Variants in AGBL4 observed in about 807,000 individuals in gnomAD.
AGBL4 encodes cytosolic carboxypeptidase 6.
AGBL4 carries 58 observed loss-of-function variants against 66.4 expected under a neutral mutation model. That is an observed-to-expected ratio of 0.87 (90% CI 0.71 to 1.09). The LOEUF (loss-of-function observed/expected upper bound fraction) is 1.09. AGBL4 is among the 50% of genes least tolerant of loss of function. The pLI, the probability that AGBL4 is intolerant of heterozygous loss-of-function variation, is 0.00. For synonymous variants in AGBL4, 234 were observed against 222.9 expected (o/e 1.05, Z -0.44); for missense variants, 579 against 631.0 (o/e 0.92, Z 0.88).
chr1:48,874,252 T>A (rs973816035), intron 5 of AGBL4, among the ~76,000 whole-genome samples: 7 of 152,074 alleles, frequency 4.6e-5, no homozygotes, highest in Admixed American at 4.6e-4. Flanking sequence ...CCTTCTCTGC[T>A]CAGTTCATTC....
chr1:49,758,820 G>T (rs1488178311), intron 2 of AGBL4, among the ~76,000 whole-genome samples: 1 of 151,888 alleles, frequency 6.6e-6, no homozygotes, highest in African/African-American at 2.4e-5. Flanking sequence ...TTAGGGGACT[G>T]TTGGGAAGGC....
At chr1:49,446,669 C>T (rs1378027890) in intron 3 of AGBL4, among the ~76,000 whole-genome samples, 1 of 152,096 alleles carries the variant, frequency 6.6e-6, no homozygotes, top group Admixed American at 6.5e-5. Context: ...AATTTTTGGG[C>T]CTCCCGAGTG....
chr1:48,841,404 C>T (rs958700898), intron 6 of AGBL4, among the ~76,000 whole-genome samples: 1 of 128,832 alleles, frequency 7.8e-6, no homozygotes, highest in Admixed American at 7.6e-5. Flanking sequence ...TACAAAACCC[C>T]CCCCCCCCAA....
At chr1:48,722,633 C>T (rs1027271448) in intron 6 of AGBL4, among the ~76,000 whole-genome samples, 2 of 152,152 alleles carry the variant, frequency 1.3e-5, no homozygotes, top group East Asian at 1.9e-4. Context: ...GGACAAGTAT[C>T]GTGTTAGCCA....
intron 5 of AGBL4, among the ~76,000 whole-genome samples, chr1:48,943,611 G>A (rs1007736105): frequency 3.3e-5 from 5 of 152,216 alleles, no homozygotes; most frequent in African/African-American, 1.2e-4. Context: ...CTACAAAGAT[G>A]AGTAAGACAT....
chr1:49,984,770 A>C (rs2148392082), intron 1 of AGBL4, among the ~76,000 whole-genome samples: 1 of 152,362 alleles, frequency 6.6e-6, no homozygotes, highest in East Asian at 1.9e-4. Context: ...TTGAAACAAA[A>C]GCAGCTTATG....
At chr1:48,791,997 G>A (rs992851476) in intron 6 of AGBL4, among the ~76,000 whole-genome samples, 6 of 152,154 alleles carry the variant, frequency 3.9e-5, no homozygotes, top group African/African-American at 1.2e-4. Context: ...TCCCTACAAA[G>A]ATATGTTGCA....
At chr1:48,886,634 G>A (rs1650376816) in intron 5 of AGBL4, among the ~76,000 whole-genome samples, 1 of 152,064 alleles carries the variant, frequency 6.6e-6, no homozygotes. Flanking sequence ...CTCACTGCAA[G>A]CTCTGCCTCC....
At chr1:49,714,574 A>G (rs1647935922) in intron 2 of AGBL4, among the ~76,000 whole-genome samples, 1 of 60,768 alleles carries the variant, frequency 1.6e-5, no homozygotes, top group Non-Finnish European at 6.7e-5. Flanking sequence ...ATTTACATAT[A>G]TATATATATA....
rs919374120 is a variant in AGBL4, at chr1:49,873,104, A to G, written c.35-21586T>C. ...TGTATTTTATATATATATATAAATC[A>G]CTTTGACTTTCATACCTGCCTACTG... is the stretch of plus-strand genomic sequence containing the variant. On this transcript the variant is annotated intron_variant, in intron 1 of 13. Coordinates refer to ENST00000371839, the MANE Select transcript of AGBL4 (RefSeq NM_032785.4). 3.9e-5 allele frequency among the ~76,000 whole-genome samples: 6 copies of G among 152,112 alleles called. No homozygotes were observed. In the South Asian group the frequency reaches 1.0e-3, roughly 26 times the overall value.
chr1:48,804,250 T>C (rs1645873192), intron 6 of AGBL4, among the ~76,000 whole-genome samples: 1 of 152,194 alleles, frequency 6.6e-6, no homozygotes, highest in Non-Finnish European at 1.5e-5. Flanking sequence ...ATCCATTCCA[T>C]GTGCAATAGC....
chr1:49,842,763 G>A (rs1571693937), intron 2 of AGBL4, among the ~76,000 whole-genome samples: 2 of 152,134 alleles, frequency 1.3e-5, no homozygotes, highest in East Asian at 3.9e-4. Context: ...AGAGATGAGG[G>A]ATAGCCTCTC....
chr1:49,858,502 T>G (rs1256924812), intron 1 of AGBL4, among the ~76,000 whole-genome samples: 1 of 151,996 alleles, frequency 6.6e-6, no homozygotes, highest in African/African-American at 2.4e-5. Flanking sequence ...TGTTTAAATA[T>G]TATATAAAGT....
chr1:49,223,539 A>G (rs984231750), intron 4 of AGBL4, among the ~76,000 whole-genome samples: 1 of 152,164 alleles, frequency 6.6e-6, no homozygotes, highest in Non-Finnish European at 1.5e-5. Flanking sequence ...TACAAGACTA[A>G]CTACATAATT....
At chr1:49,240,760 A>T (rs918150867) in intron 4 of AGBL4, among the ~76,000 whole-genome samples, 51 of 151,514 alleles carry the variant, frequency 3.4e-4, no homozygotes, top group Non-Finnish European at 6.8e-4. Flanking sequence ...GTACTTCCAT[A>T]TTCCTCTCTT....
chr1:49,756,968 T>C (rs2147852497), intron 2 of AGBL4, among the ~76,000 whole-genome samples: 1 of 152,294 alleles, frequency 6.6e-6, no homozygotes, highest in Admixed American at 6.5e-5. Flanking sequence ...CAGAATGATA[T>C]GGATTGGCTG....
intron 4 of AGBL4, among the ~76,000 whole-genome samples, chr1:49,047,408 C>A (rs1644106308): frequency 6.6e-6 from 1 of 152,054 alleles, no homozygotes; most frequent in Non-Finnish European, 1.5e-5. Flanking sequence ...GTTTGGCCCA[C>A]CAATAGAGTC....
intron 3 of AGBL4, among the ~76,000 whole-genome samples, chr1:49,691,865 T>C (rs1468946263): frequency 2.0e-5 from 3 of 152,156 alleles, no homozygotes; most frequent in African/African-American, 7.2e-5. Context: ...CTTCATGCCC[T>C]CGAACATCGG....
At chr1:49,643,335 T>C (rs1442820378) in intron 3 of AGBL4, among the ~76,000 whole-genome samples, 1 of 151,750 alleles carries the variant, frequency 6.6e-6, no homozygotes, top group Non-Finnish European at 1.5e-5. Context: ...AGAGTATCAA[T>C]GAACTGTGGG....
Sources: gnomAD v4.1 joint callset for allele counts (sites outside exome capture counted in the v4.1 genomes callset) on GRCh38, gnomAD v4.1.1 for gene constraint, MANE v1.5 for transcripts, NCBI Gene and HGNC (gene_info 2026-07-23, HGNC 2026-07-21) for gene names.